Variants in BEND6 observed in about 807,000 individuals in gnomAD.
The protein encoded by BEND6 is BEN domain-containing protein 6.
In BEND6, 24 loss-of-function variants were observed where a neutral mutation model predicts 31.8. The observed-to-expected ratio is 0.75, with a 90% CI of 0.55 to 1.06. The LOEUF (loss-of-function observed/expected upper bound fraction) is 1.06. Ranked by LOEUF, BEND6 falls within the 50% of genes least tolerant of loss-of-function variation. The pLI, the probability that BEND6 is intolerant of heterozygous loss-of-function variation, is 0.00. For missense variants in BEND6, 294 were observed against 327.4 expected (o/e 0.90, Z 0.79); for synonymous variants, 109 against 114.6 (o/e 0.95, Z 0.31).
intron 3 of BEND6, among the ~76,000 whole-genome samples, chr6:57,005,383 A>C (rs893285549): frequency 3.9e-5 from 6 of 152,216 alleles, no homozygotes; most frequent in Non-Finnish European, 7.3e-5. Context: ...AAATGAATAG[A>C]AAGACTTGTG....
intron 6 of BEND6, among the ~76,000 whole-genome samples, chr6:57,022,444 T>A (rs748897485): frequency 1.3e-5 from 2 of 152,126 alleles, no homozygotes; most frequent in Non-Finnish European, 2.9e-5. Flanking sequence ...CTAATGAGTC[T>A]TTGTATTTGT....
intron 3 of BEND6, among the ~76,000 whole-genome samples, chr6:57,005,766 CAATTA>C (rs147396768): frequency 0.033 from 4,921 of 151,398 alleles, 249 homozygotes; most frequent in African/African-American, 0.11. Flanking sequence ...AATGTAATCC[CAATTA>C]AAATACCAAT....
chr6:57,018,401 TC>T lies in BEND6; in HGVS notation c.713-19del. On this transcript the variant is annotated intron_variant, in intron 5 of 6. Coordinates refer to ENST00000370746, the MANE Select transcript of BEND6 (RefSeq NM_152731.3). ...AAGCACTCATGAAGTTTCTCATGTG[TC>T]GCTATTGGTTTTTTACAGGAGTAAC... is the stretch of plus-strand genomic sequence containing the variant. 6.3e-7 allele frequency: 1 copy of T among 1,577,370 alleles called. No homozygotes were observed. The highest frequency in any genetic ancestry group is 1.2e-5 in the South Asian group (1 of 83,066).
intron 3 of BEND6, among the ~76,000 whole-genome samples, chr6:57,011,507 C>T (rs1290967219): frequency 1.3e-5 from 2 of 151,602 alleles, no homozygotes; most frequent in African/African-American, 4.8e-5. Flanking sequence ...CACTTGAGCC[C>T]AGGAGTTCAA....
chr6:56,996,378 T>C (rs1242639410), intron 3 of BEND6, among the ~76,000 whole-genome samples: 1 of 152,060 alleles, frequency 6.6e-6, no homozygotes, highest in East Asian at 1.9e-4. Flanking sequence ...ACCCAGGAGG[T>C]TGAGGTGGCA....
chr6:57,001,041 C>T (rs1043152140), intron 3 of BEND6, among the ~76,000 whole-genome samples: 1 of 151,578 alleles, frequency 6.6e-6, no homozygotes, highest in African/African-American at 2.4e-5. Flanking sequence ...AAAAATCATA[C>T]CCACATGAAA....
chr6:56,968,695 C>G (rs1231919897), intron 1 of BEND6, among the ~76,000 whole-genome samples: 1 of 151,942 alleles, frequency 6.6e-6, no homozygotes. Context: ...GCAGCATTGT[C>G]GAACCATCCC....
chr6:56,992,601 T>G, intron 3 of BEND6, 46 bp downstream of exon 3: 4 of 1,561,606 alleles, frequency 2.6e-6, no homozygotes, highest in Non-Finnish European at 3.5e-6. Context: ...GGAAAGTATA[T>G]GATCAGTGGA....
At chr6:57,012,662 GA>G (rs1438816606) in intron 3 of BEND6, among the ~76,000 whole-genome samples, 4 of 151,658 alleles carry the variant, frequency 2.6e-5, no homozygotes, top group African/African-American at 7.3e-5. Context: ...TTTTAATTGG[GA>G]AAAAAAGAGC....
Position 57,005,677 on chromosome 6 carries a change from TA to T in BEND6, c.299-9441del, listed in dbSNP as rs76921934. Among the ~76,000 whole-genome samples, 496 of 130,468 alleles carry T rather than the reference TA, an allele frequency of 3.8e-3. 2 individuals carry two copies. Among genetic ancestry groups the T allele is most frequent in the Middle Eastern group, 0.012 (3 of 252 alleles). 85.6% of individuals were successfully genotyped at this position (130,468 alleles called of 152,430 possible). On this transcript the variant is annotated intron_variant, in intron 3 of 6. Coordinates refer to ENST00000370746, the MANE Select transcript of BEND6 (RefSeq NM_152731.3). ...CCTGGGCGACAGAGCGAGACTCCAT[TA>T]AAAAAAAAAAAAAACAAAGACTTGT...
At chr6:57,005,721 G>A (rs1827135161) in intron 3 of BEND6, among the ~76,000 whole-genome samples, 1 of 149,554 alleles carries the variant, frequency 6.7e-6, no homozygotes, top group Non-Finnish European at 1.5e-5. Flanking sequence ...GGGAAGAGAA[G>A]AGGCCAATTC....
chr6:56,969,955 A>T (rs1290128728), intron 1 of BEND6, among the ~76,000 whole-genome samples: 1 of 152,218 alleles, frequency 6.6e-6, no homozygotes. Flanking sequence ...ATTATAATCC[A>T]TTAATGGGTT....
Position 56,955,129 on chromosome 6 carries a change from A to T in BEND6, c.-432A>T, listed in dbSNP as rs1201717712. ...GATGACATCACGGCCAGGCTGCGGC[A>T]GCGCGGGCGCGCGGACATGGCTGCG... On this transcript the variant is annotated 5_prime_UTR_variant, in exon 1 of 7. Coordinates refer to ENST00000370746, the MANE Select transcript of BEND6 (RefSeq NM_152731.3). 6.7e-6 allele frequency: 1 copy of T among 150,328 alleles called. No homozygotes were observed. The highest frequency in any genetic ancestry group is 2.4e-5 in the African/African-American group (1 of 41,222). 9.3% of individuals were successfully genotyped at this position (150,328 alleles called of 1,614,324 possible). A position where few individuals can be genotyped will look rare whatever the true frequency, so the allele number is the denominator to read the frequency against.
chr6:57,015,063 CA>C (rs138064771), intron 3 of BEND6, 69 bp from the exon 4 acceptor site: 6 of 1,363,892 alleles, frequency 4.4e-6, no homozygotes, highest in South Asian at 2.7e-5. Flanking sequence ...ATACACTCAA[CA>C]AAAAAATATG....
At chr6:56,997,440 C>T (rs1304183716) in intron 3 of BEND6, among the ~76,000 whole-genome samples, 1 of 152,206 alleles carries the variant, frequency 6.6e-6, no homozygotes, top group Non-Finnish European at 1.5e-5. Flanking sequence ...TACACACACA[C>T]TAGAATTTAA....
chr6:56,976,362 AT>A (rs1228696987), intron 1 of BEND6, among the ~76,000 whole-genome samples: 2 of 150,880 alleles, frequency 1.3e-5, no homozygotes, highest in African/African-American at 2.4e-5. Context: ...TGCCCGGCTA[AT>A]TTTTTGTATT....
chr6:56,987,475 A>G (rs939459514), intron 2 of BEND6, among the ~76,000 whole-genome samples: 3 of 152,180 alleles, frequency 2.0e-5, no homozygotes, highest in Admixed American at 6.5e-5. Flanking sequence ...GATGCTGAAC[A>G]TGAGGACTCT....
chr6:57,004,261 A>G (rs1827063606), intron 3 of BEND6, among the ~76,000 whole-genome samples: 1 of 152,238 alleles, frequency 6.6e-6, no homozygotes, highest in South Asian at 2.1e-4. Flanking sequence ...ATATGAGTCT[A>G]TACTAGAAAA....
chr6:57,009,022 G>A (rs1439446221), intron 3 of BEND6: 1 of 152,118 alleles, frequency 6.6e-6, no homozygotes, highest in Non-Finnish European at 1.5e-5. Context: ...AATAAGCGAG[G>A]AATAGAAAGT....
Sources: gnomAD v4.1 joint callset for allele counts (sites outside exome capture counted in the v4.1 genomes callset) on GRCh38, gnomAD v4.1.1 for gene constraint, MANE v1.5 for transcripts, NCBI Gene and HGNC (gene_info 2026-07-23, HGNC 2026-07-21) for gene names.